Variants in HUS1 observed in about 807,000 individuals in gnomAD.
HUS1 encodes checkpoint protein HUS1.
A neutral mutation model predicts 32.6 loss-of-function variants in HUS1; 31 were observed. The observed-to-expected ratio is 0.95, with a 90% CI of 0.72 to 1.28. The LOEUF (loss-of-function observed/expected upper bound fraction) is 1.28, where lower values mean the gene tolerates loss of function less well. Among genes scored for constraint, HUS1 ranks in the 50% most tolerant of loss-of-function variants. The pLI is 0.00. For missense variants in HUS1, 340 were observed against 337.7 expected, an observed-to-expected ratio of 1.01 and a Z score of -0.05; for synonymous variants, 123 against 116.6, an observed-to-expected ratio of 1.06 and a Z score of -0.36.
intron 4 of HUS1, 30 bp from the exon 5 acceptor site, chr7:47,975,717 T>C (rs1788689792): frequency 8.0e-7 from 1 of 1,257,360 alleles, no homozygotes; most frequent in Admixed American, 1.9e-5. Flanking sequence ...AAAGCACAAG[T>C]ATTAAAAATA....
At chr7:47,965,557 A>C in intron 7 of HUS1, 119 bp from the exon 8 acceptor site, 1 of 662,434 alleles carries the variant, frequency 1.5e-6, no homozygotes, top group South Asian at 1.7e-5. Flanking sequence ...GTCTTCCCTG[A>C]GGCAGCTGCA....
At chr7:47,974,669 ATAGGAGGGAGCAGGG>A (rs1788662372) in intron 5 of HUS1, among the ~76,000 whole-genome samples, 1 of 152,004 alleles carries the variant, frequency 6.6e-6, no homozygotes, top group East Asian at 1.9e-4. Flanking sequence ...TTGGAGCAGG[ATAGGAGGGAGCAGGG>A]GGAGGAGGGA....
chr7:47,967,317 C>T (rs566002622), intron 7 of HUS1, among the ~76,000 whole-genome samples: 1 of 152,300 alleles, frequency 6.6e-6, no homozygotes, highest in South Asian at 2.1e-4. Context: ...AATCAAGAGG[C>T]AACTGTTAAC....
chr7:47,965,819 C>T (rs556188854), intron 7 of HUS1, among the ~76,000 whole-genome samples: 44 of 152,308 alleles, frequency 2.9e-4, no homozygotes, highest in Admixed American at 2.7e-3. Context: ...ACACCTGGGG[C>T]AGGCTGTGTC....
intron 5 of HUS1, among the ~76,000 whole-genome samples, chr7:47,970,403 G>A (rs1181701270): frequency 1.3e-5 from 2 of 151,882 alleles, no homozygotes; most frequent in Non-Finnish European, 2.9e-5. Flanking sequence ...TTCAGAAACA[G>A]AAACTAGTTT....
chr7:47,972,105 T>C (rs1179584972), intron 5 of HUS1, among the ~76,000 whole-genome samples: 2 of 152,190 alleles, frequency 1.3e-5, no homozygotes, highest in East Asian at 3.8e-4. Flanking sequence ...TCTGGAACAA[T>C]AGTTGACTGA....
At position 47,967,822 on chromosome 7, in the gene HUS1, G is replaced by A; in HGVS notation, c.744C>T (p.Pro248=). The change falls in exon 7 of 8, where the codon CCC becomes CCT. Residue 248 remains proline (P), a synonymous_variant. Transcript: ENST00000258774. ...LQFLAGQQVN[P]TKALCNIVNN... ...CACACTCACTGCATAAGGCCTTTGT[G>A]GGATTTACTTGTTGTCCAGCAAGAA... is the stretch of plus-strand genomic sequence containing the variant. The A allele has an allele frequency of 6.2e-7, 1 of 1,613,548 alleles. No individual in the cohort carries two copies. Among genetic ancestry groups the A allele is most frequent in the Non-Finnish European group, 8.5e-7 (1 of 1,179,780 alleles).
intron 1 of HUS1, 22 bp from the exon 2 acceptor site, chr7:47,978,838 GGAATT>G: frequency 6.2e-7 from 1 of 1,610,536 alleles, no homozygotes; most frequent in East Asian, 2.2e-5. Flanking sequence ...GTTAAAATAA[GGAATT>G]ACTAAAATGC....
intron 5 of HUS1, among the ~76,000 whole-genome samples, chr7:47,969,691 C>A (rs570019660): frequency 2.0e-5 from 3 of 152,050 alleles, no homozygotes; most frequent in Admixed American, 6.6e-5. Context: ...GGAGAGAGTC[C>A]TGCACTGAGA....
At chr7:47,968,627 G>C (rs770542335) in intron 6 of HUS1, among the ~76,000 whole-genome samples, 1 of 152,174 alleles carries the variant, frequency 6.6e-6, no homozygotes, top group Non-Finnish European at 1.5e-5. Flanking sequence ...TTCCTGCTCA[G>C]GCAGCCCCTG....
intron 7 of HUS1, among the ~76,000 whole-genome samples, chr7:47,966,089 TC>T (rs1788471938): frequency 6.7e-6 from 1 of 148,916 alleles, no homozygotes; most frequent in Admixed American, 6.7e-5. Flanking sequence ...GAGAGGCCAA[TC>T]CCAGGAGATG....
intron 5 of HUS1, among the ~76,000 whole-genome samples, chr7:47,972,139 T>C (rs1162247269): frequency 2.0e-5 from 3 of 152,240 alleles, no homozygotes; most frequent in African/African-American, 7.2e-5. Context: ...AAACAATCTT[T>C]GTGAATATGC....
At position 47,966,017 on chromosome 7, in the gene HUS1, C is replaced by T. The variant is rs543953527; in HGVS notation, c.761-579G>A. 1.1e-4 allele frequency among the ~76,000 whole-genome samples: 16 copies of T among 151,164 alleles called. No homozygotes were observed. In the South Asian group the frequency reaches 3.1e-3, roughly 30 times the overall value. On this transcript the variant is annotated intron_variant, in intron 7 of 7. Transcript: ENST00000258774. ...AGCTCGGGGAGCTGCAGCACAGCAG[C>T]CGAGGAAAGCTCTCCAGCAGATATG...
chr7:47,966,838 T>C (rs962370391), intron 7 of HUS1, among the ~76,000 whole-genome samples: 6 of 152,186 alleles, frequency 3.9e-5, no homozygotes, highest in African/African-American at 1.4e-4. Context: ...AAACTCCCCA[T>C]GATCTGGCCT....
intron 5 of HUS1, 124 bp from the exon 6 acceptor site, chr7:47,969,442 C>A: frequency 1.6e-6 from 1 of 632,354 alleles, no homozygotes; most frequent in Non-Finnish European, 2.8e-6. Context: ...CACCTCAGAG[C>A]ACACTGAGAC....
intron 7 of HUS1, among the ~76,000 whole-genome samples, chr7:47,966,656 G>C (rs941099889): frequency 6.6e-6 from 1 of 152,158 alleles, no homozygotes; most frequent in Non-Finnish European, 1.5e-5. Flanking sequence ...CCCAAACTAT[G>C]AATAAGGAGT....
At chr7:47,968,364 T>C (rs1050625235) in intron 6 of HUS1, among the ~76,000 whole-genome samples, 2 of 152,112 alleles carry the variant, frequency 1.3e-5, no homozygotes, top group Admixed American at 1.3e-4. Flanking sequence ...ATGAGTGACA[T>C]CAGAATGAAT....
At chr7:47,976,695 G>A (rs1446793318) in intron 4 of HUS1, 35 bp downstream of exon 4, 1 of 1,101,684 alleles carries the variant, frequency 9.1e-7, no homozygotes, top group Non-Finnish European at 1.4e-6. Flanking sequence ...GCCATTTAAT[G>A]TGGGGTGTAC....
intron 5 of HUS1, among the ~76,000 whole-genome samples, chr7:47,974,253 A>C (rs1257616733): frequency 6.6e-6 from 1 of 152,212 alleles, no homozygotes; most frequent in Non-Finnish European, 1.5e-5. Context: ...GCTGGGACAC[A>C]AAGATGATTA....
Sources: allele counts gnomAD v4.1 joint callset (sites outside exome capture counted in the v4.1 genomes callset), GRCh38; gene constraint gnomAD v4.1.1; transcripts MANE v1.5; gene names NCBI Gene and HGNC (gene_info 2026-07-23, HGNC 2026-07-21).